Variants in KIAA1549 observed in about 807,000 individuals in gnomAD.
KIAA1549 encodes the protein KIAA1549, also known as UPF0606 protein KIAA1549.
KIAA1549 carries 70 observed loss-of-function variants against 156.4 expected under a neutral mutation model. That is an observed-to-expected ratio of 0.45 (90% CI 0.37 to 0.55). The LOEUF is 0.55. Among genes scored for constraint, KIAA1549 ranks in the 20% least tolerant of loss-of-function variants. The pLI, the probability that KIAA1549 is intolerant of heterozygous loss-of-function variation, is 0.00. For missense variants in KIAA1549, 2,428 were observed against 2,540.9 expected (o/e 0.96, Z 0.96); for synonymous variants, 1,103 against 1,066.4 (o/e 1.03, Z -0.67).
rs148581552 is a variant in KIAA1549, at chr7:138,951,444, T to A, written c.187+29639A>T. ...TTTTCCCTTCCCTTCCCTGGGTGTT[T>A]CCTTGAGTGCACAGTTGCCATCCTC... On this transcript the variant is annotated intron_variant, in intron 1 of 19. Transcript: ENST00000422774. Among the ~76,000 whole-genome samples the A allele has an allele frequency of 2.0e-3, 301 of 152,276 alleles. 4 individuals are homozygous for A. The highest frequency in any genetic ancestry group is 6.8e-3 in the African/African-American group (284 of 41,562).
At chr7:138,851,227 C>T (rs1429544992) in intron 17 of KIAA1549, among the ~76,000 whole-genome samples, 1 of 152,140 alleles carries the variant, frequency 6.6e-6, no homozygotes, top group Non-Finnish European at 1.5e-5. Flanking sequence ...TTTCTTTCTG[C>T]ATGTCCTGTA....
intron 1 of KIAA1549, among the ~76,000 whole-genome samples, chr7:138,923,865 G>C (rs767250242): frequency 3.3e-5 from 5 of 152,136 alleles, no homozygotes; most frequent in Non-Finnish European, 5.9e-5. Flanking sequence ...TAGTGCCATA[G>C]ATAAAATATT....
intron 4 of KIAA1549, among the ~76,000 whole-genome samples, chr7:138,909,450 G>A (rs1278016473): frequency 6.6e-6 from 1 of 152,074 alleles, no homozygotes; most frequent in Non-Finnish European, 1.5e-5. Context: ...AATATTTATG[G>A]GTGAAATGAC....
chr7:138,885,424 T>C (rs1431924339), intron 10 of KIAA1549, among the ~76,000 whole-genome samples: 1 of 152,158 alleles, frequency 6.6e-6, no homozygotes, highest in East Asian at 1.9e-4. Flanking sequence ...ACTTCCCTCC[T>C]GCCCCCGTCT....
chr7:138,905,460 C>G (rs184107006), intron 6 of KIAA1549, among the ~76,000 whole-genome samples: 1 of 152,358 alleles, frequency 6.6e-6, no homozygotes, highest in Admixed American at 6.5e-5. Context: ...CCAGGACCAG[C>G]CAGTGTGCCC....
chr7:138,903,732 G>T lies in KIAA1549; in HGVS notation c.3525C>A (p.Leu1175=), dbSNP rs755899169. The T allele has an allele frequency of 6.3e-7, 1 of 1,590,880 alleles. No individual in the cohort carries two copies. Among genetic ancestry groups the T allele is most frequent in the African/African-American group, 1.3e-5 (1 of 74,350 alleles). The change falls in exon 8 of 20, where the codon CTC becomes CTA. Residue 1175 remains leucine (L), a synonymous_variant. Coordinates refer to ENST00000422774, the MANE Select transcript of KIAA1549 (RefSeq NM_001164665.2). ...GGAGTTGCTTCTCCATGACGCCCAG[G>T]AGAACTACATTTAAATGAAAACATA... is the stretch of plus-strand genomic sequence containing the variant. ...LLKSSWVRTV[L]LGVMEKQLQN... is the part of the protein sequence containing the mutation.
chr7:138,962,208 G>A (rs185444002), intron 1 of KIAA1549, among the ~76,000 whole-genome samples: 1 of 152,234 alleles, frequency 6.6e-6, no homozygotes, highest in East Asian at 1.9e-4. Flanking sequence ...GTGCACATTC[G>A]ATTTTAGTTA....
chr7:138,927,524 G>C (rs574020435), intron 1 of KIAA1549, among the ~76,000 whole-genome samples: 23 of 152,252 alleles, frequency 1.5e-4, no homozygotes, highest in Non-Finnish European at 2.8e-4. Context: ...AGTAGTTCCA[G>C]CTACTCTGGA....
Position 138,949,051 on chromosome 7 carries a change from A to G in KIAA1549, c.188-29613T>C, listed in dbSNP as rs564133614. Reference sequence around the variant, plus strand: ...GGGTCATGAGGTTGACAAGGAGCTCATACTAGGAGTAACAGCTCTGTCATT... The same window carrying G: ...GGGTCATGAGGTTGACAAGGAGCTCGTACTAGGAGTAACAGCTCTGTCATT... On this transcript the variant is annotated intron_variant, in intron 1 of 19. Coordinates refer to ENST00000422774, the MANE Select transcript of KIAA1549 (RefSeq NM_001164665.2). Among the ~76,000 whole-genome samples the G allele has an allele frequency of 5.3e-5, 8 of 152,290 alleles. No individual in the cohort carries two copies. In the East Asian group the frequency reaches 1.5e-3, roughly 29 times the overall value.
At chr7:138,969,373 A>G (rs891751665) in intron 1 of KIAA1549, among the ~76,000 whole-genome samples, 19 of 152,150 alleles carry the variant, frequency 1.2e-4, no homozygotes, top group African/African-American at 4.6e-4. Flanking sequence ...CGTAAGTGGA[A>G]TCCTACAGTA....
At chr7:138,898,136 G>A (rs975168027) in intron 9 of KIAA1549, among the ~76,000 whole-genome samples, 87 of 151,326 alleles carry the variant, frequency 5.7e-4, no homozygotes, top group African/African-American at 2.0e-3. Flanking sequence ...GTGAAACCCC[G>A]TCTCCACTAA....
Position 138,899,252 on chromosome 7 carries a change from G to A in KIAA1549, c.3670-120C>T, listed in dbSNP as rs1040520228. The A allele has an allele frequency of 2.6e-5, 23 of 889,434 alleles. No homozygotes were observed. In the East Asian group the frequency reaches 2.7e-4, roughly 10 times the overall value. 55.1% of individuals were successfully genotyped at this position (889,434 alleles called of 1,614,324 possible). On this transcript the variant is annotated intron_variant, in intron 8 of 19. Transcript: ENST00000422774. ...TATTCCAATCCTCATAATAAGCTCC[G>A]TAAGCCATTCAGGGGCCCAGAATCA...
intron 17 of KIAA1549, among the ~76,000 whole-genome samples, chr7:138,850,588 C>T (rs76077328): frequency 2.0e-5 from 3 of 152,182 alleles, no homozygotes; most frequent in East Asian, 1.9e-4. Context: ...TATTAAACCT[C>T]GGTCAGATGC....
chr7:138,978,345 G>A (rs1814440587), intron 1 of KIAA1549, among the ~76,000 whole-genome samples: 1 of 152,068 alleles, frequency 6.6e-6, no homozygotes, highest in African/African-American at 2.4e-5. Context: ...CTCTGAATAA[G>A]GTGAAGAAAC....
At chr7:138,912,997 C>T (rs1322162272) in intron 2 of KIAA1549, among the ~76,000 whole-genome samples, 1 of 152,178 alleles carries the variant, frequency 6.6e-6, no homozygotes, top group Non-Finnish European at 1.5e-5. Context: ...GCCTCAGCCT[C>T]CTGAGTAGCT....
In KIAA1549 at chr7:138,918,647, T is replaced by A. The variant is rs1812430833; in HGVS notation, c.979A>T (p.Thr327Ser). ...TCTTCTAGGCTTTGACTCAACACAG[T>A]GGTCACATCAGTGTATCTGTCTGCA... is the stretch of plus-strand genomic sequence containing the variant. ...TSADRYTDVT[T>S]VLSQSLEETI... The change falls in exon 2 of 20, where the codon ACT (threonine) becomes TCT (serine). Residue 327 changes from threonine (T) to serine (S), a missense_variant. Physicochemically the swap from Thr to Ser is moderately conservative, Grantham distance 58. This residue lies in a region of KIAA1549 where 893 missense variants were observed against 847.9 expected (regional missense o/e 1.05). Transcript: ENST00000422774. This position sits in a 1 kb window ranked among gnomAD's most constrained non-coding sequence, Gnocchi z 4.2. The A allele has an allele frequency of 3.1e-6, 5 of 1,613,768 alleles. No individual in the cohort carries two copies. Among genetic ancestry groups the A allele is most frequent in the Non-Finnish European group, 4.2e-6 (5 of 1,179,864 alleles).
chr7:138,886,529 A>G (rs926152489), intron 10 of KIAA1549, among the ~76,000 whole-genome samples: 12 of 152,196 alleles, frequency 7.9e-5, no homozygotes, highest in African/African-American at 2.7e-4. Context: ...CTCCTGCCTC[A>G]GCTTCCCAAA....
chr7:138,975,222 G>A (rs1048745727), intron 1 of KIAA1549, among the ~76,000 whole-genome samples: 8 of 147,674 alleles, frequency 5.4e-5, no homozygotes, highest in Non-Finnish European at 1.2e-4. Context: ...GCTAACAAAG[G>A]AGATGGAAAA....
intron 2 of KIAA1549, among the ~76,000 whole-genome samples, chr7:138,915,719 G>A (rs892838662): frequency 2.0e-5 from 3 of 151,594 alleles, no homozygotes; most frequent in East Asian, 3.9e-4. Flanking sequence ...TGCCGTTTTC[G>A]TCCCCTTTTT....
Sources: gnomAD v4.1 joint callset for allele counts (sites outside exome capture counted in the v4.1 genomes callset) on GRCh38, gnomAD v4.1.1 for gene constraint, gnomAD v4.1.1 regional missense constraint, Gnocchi (gnomAD v3.1) non-coding constraint, MANE v1.5 for transcripts, NCBI Gene and HGNC (gene_info 2026-07-23, HGNC 2026-07-21) for gene names.